The following OTOGL variants were observed in gnomAD, a reference collection of about 807,000 sequenced individuals.
The protein encoded by OTOGL is otogelin like.
Under a neutral mutation model 318.5 loss-of-function variants are expected in OTOGL, and 285 were observed. That is an observed-to-expected ratio of 0.89 (90% CI 0.81 to 0.99). The LOEUF is 0.99. Ranked by LOEUF, OTOGL falls within the 50% of genes least tolerant of loss-of-function variation. The pLI is 0.00. For missense variants in OTOGL, 2,899 were observed against 2,845.6 expected, an observed-to-expected ratio of 1.02 and a Z score of -0.43; for synonymous variants, 987 against 936.5, an observed-to-expected ratio of 1.05 and a Z score of -0.99.
At chr12:80,213,379 T>G (rs1877420895) in intron 4 of OTOGL, among the ~76,000 whole-genome samples, 1 of 152,164 alleles carries the variant, frequency 6.6e-6, no homozygotes, top group Non-Finnish European at 1.5e-5. Context: ...GGCCGGTTTC[T>G]TTACTGCAGG....
intron 1 of OTOGL, among the ~76,000 whole-genome samples, chr12:80,124,466 T>C (rs1870685314): frequency 6.6e-6 from 1 of 152,206 alleles, no homozygotes. Context: ...TGAAGTCAGG[T>C]AGCATGATGC....
At chr12:80,179,859 T>C (rs1025256050) in intron 1 of OTOGL, among the ~76,000 whole-genome samples, 8 of 152,152 alleles carry the variant, frequency 5.3e-5, no homozygotes, top group African/African-American at 1.9e-4. Flanking sequence ...ATATACAAAC[T>C]CCTTTTGCTG....
At chr12:80,304,526 T>C (rs906175117) in intron 28 of OTOGL, among the ~76,000 whole-genome samples, 2 of 152,196 alleles carry the variant, frequency 1.3e-5, no homozygotes, top group African/African-American at 2.4e-5. Flanking sequence ...AGATACATTT[T>C]TAAAAAAGAT....
At position 80,195,297 on chromosome 12, in the gene OTOGL, C is replaced by T. The variant is rs935021281; in HGVS notation, c.-19-14116C>T. ...GGCAGGGAAAAGAATGGTTAACAGC[C>T]TGAGAGCATGCACACTGACGTTCAG... is the stretch of plus-strand genomic sequence containing the variant. On this transcript the variant is annotated intron_variant, in intron 1 of 58. Coordinates refer to ENST00000547103, the MANE Select transcript of OTOGL (RefSeq NM_001378609.3). 2.6e-5 allele frequency among the ~76,000 whole-genome samples: 4 copies of T among 152,128 alleles called. No individual in the cohort carries two copies. The South Asian group carries it at 8.3e-4, about 32-fold the overall frequency.
chr12:80,160,345 A>T lies in OTOGL; in HGVS notation c.-19-49068A>T, dbSNP rs1381832699. Among the ~76,000 whole-genome samples, 4 of 152,186 alleles carry T rather than the reference A, an allele frequency of 2.6e-5. No individual in the cohort carries two copies. In the East Asian group the frequency reaches 7.7e-4, roughly 29 times the overall value. On this transcript the variant is annotated intron_variant, in intron 1 of 58. Coordinates refer to ENST00000547103, the MANE Select transcript of OTOGL (RefSeq NM_001378609.3). ...AAAATCTTCACAATTTATACATCCA[A>T]CAAAGGACTAATATCCAGAATCTGC...
At chr12:80,200,647 T>C (rs2137283312) in intron 1 of OTOGL, among the ~76,000 whole-genome samples, 1 of 152,312 alleles carries the variant, frequency 6.6e-6, no homozygotes, top group East Asian at 1.9e-4. Context: ...TCTATTGGAT[T>C]GAGGACATGC....
chr12:80,182,592 A>G (rs1164991749), intron 1 of OTOGL, among the ~76,000 whole-genome samples: 1 of 152,196 alleles, frequency 6.6e-6, no homozygotes, highest in Admixed American at 6.5e-5. Flanking sequence ...AGGGTAGAGA[A>G]GGAGGTAGCA....
intron 29 of OTOGL, among the ~76,000 whole-genome samples, chr12:80,307,479 G>A (rs1315064049): frequency 6.7e-6 from 1 of 149,842 alleles, no homozygotes; most frequent in Non-Finnish European, 1.5e-5. Flanking sequence ...GGCTGGCCGG[G>A]CAGAGGGGCT....
chr12:80,302,002 C>G (rs960381068), intron 27 of OTOGL, among the ~76,000 whole-genome samples: 2 of 152,160 alleles, frequency 1.3e-5, no homozygotes, highest in Non-Finnish European at 2.9e-5. Context: ...ATAGAAGATT[C>G]CTTCTTACCA....
Position 80,145,197 on chromosome 12 carries a change from G to A in OTOGL, c.-20+45592G>A, listed in dbSNP as rs537323776. Among the ~76,000 whole-genome samples, 304 of 150,724 alleles carry A rather than the reference G, an allele frequency of 2.0e-3. 3 individuals carry two copies. The highest frequency in any genetic ancestry group is 6.1e-3 in the African/African-American group (244 of 40,128). On this transcript the variant is annotated intron_variant, in intron 1 of 58. Coordinates refer to ENST00000547103, the MANE Select transcript of OTOGL (RefSeq NM_001378609.3). ...GGGTTTTTATGGTTTTAGGTCTAAC[G>A]TTTAAGTCTTTAATCCATCTTGAAT...
At position 80,275,680 on chromosome 12, in the gene OTOGL, A is replaced by T. The variant is rs570867415; in HGVS notation, c.2682-2488A>T. Among the ~76,000 whole-genome samples, 3 of 151,970 alleles carry T rather than the reference A, an allele frequency of 2.0e-5. 1 individual carries two copies. The highest frequency in any genetic ancestry group is 7.2e-5 in the African/African-American group (3 of 41,520). ...CTTTTGTGAAAGGGGGAGTCAATCA[A>T]TGTGGCAAACTTCACTGTGTCTTAT... On this transcript the variant is annotated intron_variant, in intron 24 of 58. Coordinates refer to ENST00000547103, the MANE Select transcript of OTOGL (RefSeq NM_001378609.3).
Position 80,272,157 on chromosome 12 carries a change from G to A in OTOGL, c.2681+347G>A, listed in dbSNP as rs113731063. 8.5e-4 allele frequency among the ~76,000 whole-genome samples: 129 copies of A among 152,192 alleles called. 1 individual carries two copies. The highest frequency in any genetic ancestry group is 3.0e-3 in the African/African-American group (125 of 41,542). On this transcript the variant is annotated intron_variant, in intron 24 of 58. Transcript: ENST00000547103. Reference sequence around the variant, plus strand: ...CTGTTGTGCAGTTACTGGTATTGATGTGAAGTTGTAATAGTGATGCCAACT... The same window carrying A: ...CTGTTGTGCAGTTACTGGTATTGATATGAAGTTGTAATAGTGATGCCAACT...
rs144723353 is a variant in OTOGL, at chr12:80,210,597, G to A, written c.80-250G>A. Among the ~76,000 whole-genome samples the A allele has an allele frequency of 5.1e-3, 773 of 152,144 alleles. 17 individuals are homozygous for A. The highest frequency in any genetic ancestry group is 0.031 in the Admixed American group (474 of 15,240). ...TAAAACTTGGAACTCTGATTCCAAG[G>A]CTAGTGTCTGTTCAGTTGCATGGTG... On this transcript the variant is annotated intron_variant, in intron 2 of 58. Transcript: ENST00000547103.
chr12:80,376,265 A>T (rs946536040), intron 57 of OTOGL, among the ~76,000 whole-genome samples: 2 of 152,132 alleles, frequency 1.3e-5, no homozygotes, highest in Non-Finnish European at 2.9e-5. Flanking sequence ...TTACATGTTG[A>T]GATTGTTTTA....
chr12:80,375,141 C>T lies in OTOGL; in HGVS notation c.6782-1982C>T, dbSNP rs1013264920. Among the ~76,000 whole-genome samples, 9 of 152,194 alleles carry T rather than the reference C, an allele frequency of 5.9e-5. No individual in the cohort carries two copies. The East Asian group carries it at 1.5e-3, about 26-fold the overall frequency. ...GGCATATTAGAAAACCCTTTCCTGC[C>T]GCCTTTGCTTTCTGAAGACTAGGCT... On this transcript the variant is annotated intron_variant, in intron 57 of 58. Coordinates refer to ENST00000547103, the MANE Select transcript of OTOGL (RefSeq NM_001378609.3).
chr12:80,274,427 A>G (rs1159710658), intron 24 of OTOGL, among the ~76,000 whole-genome samples: 5 of 152,074 alleles, frequency 3.3e-5, no homozygotes, highest in South Asian at 2.1e-4. Flanking sequence ...TTTCAATTCT[A>G]TAATGGCTGA....
chr12:80,199,012 T>C (rs758536567), intron 1 of OTOGL, among the ~76,000 whole-genome samples: 1 of 152,230 alleles, frequency 6.6e-6, no homozygotes, highest in Non-Finnish European at 1.5e-5. Flanking sequence ...TTATGTGCAA[T>C]ATATTTGTAT....
rs1204441361 is a variant in OTOGL at position 80,255,000 on chromosome 12, C to T, written c.1442-40C>T. ...CCTCTCTCTCCTCCTCTATCTCCAC[C>T]TCCTTTTCTTTTTCTTTGTTTTCTT... On this transcript the variant is annotated intron_variant, in intron 15 of 58. Coordinates refer to ENST00000547103, the MANE Select transcript of OTOGL (RefSeq NM_001378609.3). The T allele has an allele frequency of 1.0e-5, 14 of 1,392,374 alleles. No individual in the cohort carries two copies. In the Admixed American group the frequency reaches 1.0e-4, roughly 10 times the overall value. 86.3% of individuals were successfully genotyped at this position (1,392,374 alleles called of 1,614,324 possible).
chr12:80,266,596 TCTTAA>T lies in OTOGL; in HGVS notation c.2374_2378del (p.Asn792LeufsTer12), dbSNP rs1404467071. 10 of 1,613,334 alleles carry T rather than the reference TCTTAA, an allele frequency of 6.2e-6. No individual in the cohort carries two copies. Among genetic ancestry groups the T allele is most frequent in the Non-Finnish European group, 8.5e-6 (10 of 1,179,658 alleles). On this transcript the variant is annotated frameshift_variant, in exon 21 of 59. Coordinates refer to ENST00000547103, the MANE Select transcript of OTOGL (RefSeq NM_001378609.3). LOFTEE classifies it high-confidence loss of function. ...CGGAAGGCAAATTCTATGAAGACACTCTTAACTTTTGTGTACCCATGTAAGTCGTA... is the reference window on the plus strand; with the variant it reads ...CGGAAGGCAAATTCTATGAAGACACTCTTTTGTGTACCCATGTAAGTCGTA...
Sources: allele counts gnomAD v4.1 joint callset (sites outside exome capture counted in the v4.1 genomes callset), GRCh38; gene constraint gnomAD v4.1.1; transcripts MANE v1.5; gene names NCBI Gene and HGNC (gene_info 2026-07-23, HGNC 2026-07-21).